Variants in SH3BP4 observed in about 807,000 individuals in gnomAD.
The protein encoded by SH3BP4 is SH3 domain binding protein 4, also known as SH3 domain-binding protein 4.
A neutral mutation model predicts 65.5 loss-of-function variants in SH3BP4; 33 were observed. That is an observed-to-expected ratio of 0.50 (90% CI 0.38 to 0.67). The LOEUF is 0.67. SH3BP4 is among the 30% of genes least tolerant of loss of function. The pLI is 0.00. For missense variants in SH3BP4, 1,134 were observed against 1,261.4 expected (o/e 0.90, Z 1.53); for synonymous variants, 552 against 545.5 (o/e 1.01, Z -0.17).
intron 2 of SH3BP4, among the ~76,000 whole-genome samples, chr2:235,022,745 C>T (rs1337551725): frequency 2.0e-5 from 3 of 152,096 alleles, no homozygotes; most frequent in African/African-American, 7.2e-5. Context: ...TTTTGGCAAC[C>T]CTTCCTACTC....
intron 3 of SH3BP4, among the ~76,000 whole-genome samples, chr2:235,037,124 T>G (rs550437439): frequency 3.3e-5 from 5 of 152,354 alleles, no homozygotes; most frequent in Admixed American, 6.5e-5. Flanking sequence ...GGATAGGAAA[T>G]GTATTATTCA....
chr2:234,966,356 C>T (rs1410002894), intron 1 of SH3BP4, among the ~76,000 whole-genome samples: 6 of 151,938 alleles, frequency 3.9e-5, no homozygotes, highest in Non-Finnish European at 7.4e-5. Flanking sequence ...GCAACCAGAG[C>T]GAAACTCGGT....
intron 2 of SH3BP4, among the ~76,000 whole-genome samples, chr2:235,007,834 C>T (rs1694347477): frequency 6.6e-6 from 1 of 152,152 alleles, no homozygotes. Context: ...AGAGATGCCC[C>T]TAGCCATGCC....
Position 234,988,467 on chromosome 2 carries a change from A to G in SH3BP4, c.-206-6836A>G, listed in dbSNP as rs548096921. Among the ~76,000 whole-genome samples the G allele has an allele frequency of 2.6e-3, 392 of 152,324 alleles. 1 individual carries two copies. The highest frequency in any genetic ancestry group is 4.0e-3 in the Non-Finnish European group (275 of 68,034). Reference sequence around the variant, plus strand: ...CTCACCCCTGGCCATCAGTTTATGTAGTAATTAAATATGTAAAATTTCCAC... The same window carrying G: ...CTCACCCCTGGCCATCAGTTTATGTGGTAATTAAATATGTAAAATTTCCAC... On this transcript the variant is annotated intron_variant, in intron 1 of 5. Coordinates refer to ENST00000392011, the MANE Select transcript of SH3BP4 (RefSeq NM_014521.3).
chr2:234,980,567 C>T (rs1362524870), intron 1 of SH3BP4, among the ~76,000 whole-genome samples: 1 of 152,214 alleles, frequency 6.6e-6, no homozygotes, highest in Non-Finnish European at 1.5e-5. Flanking sequence ...AAAAACCACA[C>T]TTGCTGTGAA....
At chr2:235,002,004 GTGTGCGCCACCACACC>G (rs1694115886) in intron 2 of SH3BP4, among the ~76,000 whole-genome samples, 1 of 152,044 alleles carries the variant, frequency 6.6e-6, no homozygotes. Context: ...GGGATTACAG[GTGTGCGCCACCACACC>G]TGGCTAATTT....
chr2:235,043,796 G>T (rs1695753701), intron 4 of SH3BP4, among the ~76,000 whole-genome samples: 1 of 152,264 alleles, frequency 6.6e-6, no homozygotes, highest in Non-Finnish European at 1.5e-5. Context: ...CAGTGTCTGT[G>T]GCTGATGTCC....
intron 2 of SH3BP4, among the ~76,000 whole-genome samples, chr2:234,999,859 C>T (rs535771518): frequency 5.3e-5 from 8 of 152,356 alleles, no homozygotes; most frequent in South Asian, 4.1e-4. Context: ...CTCTGTCACG[C>T]GGCCTCTGCT....
At chr2:235,036,690 G>A (rs1695391062) in intron 3 of SH3BP4, among the ~76,000 whole-genome samples, 1 of 143,968 alleles carries the variant, frequency 6.9e-6, no homozygotes, top group Non-Finnish European at 1.5e-5. Context: ...AGGAGGCAGA[G>A]GTTGCAGTGA....
chr2:235,017,026 C>A (rs1371294928), intron 2 of SH3BP4, among the ~76,000 whole-genome samples: 1 of 142,154 alleles, frequency 7.0e-6, no homozygotes, highest in Admixed American at 7.1e-5. Context: ...CTTTCGGCAG[C>A]GAGTTTCTGT....
intron 2 of SH3BP4, among the ~76,000 whole-genome samples, chr2:235,004,626 A>G (rs1300410432): frequency 2.0e-5 from 3 of 149,150 alleles, no homozygotes; most frequent in African/African-American, 7.6e-5. Flanking sequence ...GGAACCATAC[A>G]ATAGGTGGCC....
At chr2:234,984,950 C>T (rs902388304) in intron 1 of SH3BP4, among the ~76,000 whole-genome samples, 1 of 152,152 alleles carries the variant, frequency 6.6e-6, no homozygotes, top group African/African-American at 2.4e-5. Context: ...CTCCATCATG[C>T]TGGAGACGCA....
chr2:235,011,855 C>T (rs1230784665), intron 2 of SH3BP4, among the ~76,000 whole-genome samples: 1 of 152,196 alleles, frequency 6.6e-6, no homozygotes, highest in East Asian at 1.9e-4. Flanking sequence ...GGGAGCCACC[C>T]TGAAGCCCTC....
At chr2:234,981,346 T>C (rs1326358847) in intron 1 of SH3BP4, among the ~76,000 whole-genome samples, 1 of 152,110 alleles carries the variant, frequency 6.6e-6, no homozygotes, top group Non-Finnish European at 1.5e-5. Context: ...CCCTCTAGTC[T>C]GGGAGTGCTT....
chr2:235,020,529 T>C (rs1425614716), intron 2 of SH3BP4, among the ~76,000 whole-genome samples: 1 of 152,140 alleles, frequency 6.6e-6, no homozygotes, highest in Non-Finnish European at 1.5e-5. Context: ...AAGTGACTTC[T>C]CTTTTGCAGC....
chr2:234,980,628 T>C (rs1693347554), intron 1 of SH3BP4, among the ~76,000 whole-genome samples: 1 of 152,130 alleles, frequency 6.6e-6, no homozygotes, highest in Non-Finnish European at 1.5e-5. Context: ...ATCTAGGGAG[T>C]GCGGCTGGGC....
chr2:235,016,466 C>T (rs1559245198), intron 2 of SH3BP4, among the ~76,000 whole-genome samples: 1 of 151,952 alleles, frequency 6.6e-6, no homozygotes, highest in Non-Finnish European at 1.5e-5. Flanking sequence ...GGGGAGTTGA[C>T]CGCCCTCAGC....
Position 235,054,734 on chromosome 2 carries a change from T to G in SH3BP4, c.*918T>G, listed in dbSNP as rs1402112816. Reference sequence around the variant, plus strand: ...TTCCCATAGAGTTTGCTGCCTCTTCTGTGGACAGGAAGAAAACTTCATGAC... The same window carrying G: ...TTCCCATAGAGTTTGCTGCCTCTTCGGTGGACAGGAAGAAAACTTCATGAC... On this transcript the variant is annotated 3_prime_UTR_variant, in exon 6 of 6. Transcript: ENST00000392011. 6.6e-6 allele frequency: 1 copy of G among 152,240 alleles called. No homozygotes were observed. The highest frequency in any genetic ancestry group is 1.5e-5 in the Non-Finnish European group (1 of 68,046). 9.4% of individuals were successfully genotyped at this position (152,240 alleles called of 1,614,324 possible).
At chr2:235,004,016 C>T (rs1425515979) in intron 2 of SH3BP4, among the ~76,000 whole-genome samples, 6 of 152,190 alleles carry the variant, frequency 3.9e-5, no homozygotes, top group African/African-American at 9.7e-5. Flanking sequence ...CAACTGCTCC[C>T]GGCTCCTGGC....
Sources: allele counts gnomAD v4.1 joint callset (sites outside exome capture counted in the v4.1 genomes callset), GRCh38; gene constraint gnomAD v4.1.1; transcripts MANE v1.5; gene names NCBI Gene and HGNC (gene_info 2026-07-23, HGNC 2026-07-21).